The following THEMIS variants were observed in gnomAD, a reference collection of about 807,000 sequenced individuals.
THEMIS encodes protein THEMIS.
THEMIS carries 37 observed loss-of-function variants against 52.6 expected under a neutral mutation model. The ratio of observed to expected loss-of-function variants is 0.70; its 90% confidence interval spans 0.54 to 0.93. The LOEUF (loss-of-function observed/expected upper bound fraction) is 0.93, where lower values mean the gene tolerates loss of function less well. THEMIS is among the 40% of genes least tolerant of loss of function. THEMIS has a pLI of 0.00. For missense variants in THEMIS, 808 were observed against 763.1 expected (o/e 1.06, Z -0.69); for synonymous variants, 292 against 272.7 (o/e 1.07, Z -0.70).
chr6:127,801,824 G>A (rs763818840), intron 4 of THEMIS, among the ~76,000 whole-genome samples: 2 of 152,158 alleles, frequency 1.3e-5, no homozygotes, highest in Non-Finnish European at 2.9e-5. Flanking sequence ...CTGGTGGGGC[G>A]CTAGAGGTGA....
chr6:127,809,093 T>C (rs569800505), intron 4 of THEMIS, among the ~76,000 whole-genome samples: 1 of 152,370 alleles, frequency 6.6e-6, no homozygotes, highest in East Asian at 1.9e-4. Context: ...GACTCTTCTC[T>C]GTGCATGTAA....
chr6:127,812,622 A>G (rs1777947730), intron 4 of THEMIS, among the ~76,000 whole-genome samples: 1 of 152,206 alleles, frequency 6.6e-6, no homozygotes, highest in Admixed American at 6.5e-5. Context: ...AACCCACTGA[A>G]AAGGCAATTT....
chr6:127,810,212 C>T (rs1224149060), intron 4 of THEMIS, among the ~76,000 whole-genome samples: 2 of 151,516 alleles, frequency 1.3e-5, no homozygotes, highest in Non-Finnish European at 2.9e-5. Flanking sequence ...TTTTTTTTCC[C>T]TATGAGTGCT....
intron 4 of THEMIS, among the ~76,000 whole-genome samples, chr6:127,784,631 G>A (rs1583273875): frequency 6.6e-6 from 1 of 152,136 alleles, no homozygotes; most frequent in African/African-American, 2.4e-5. Flanking sequence ...TTGAGTCACT[G>A]CTGAAGCAGA....
chr6:127,744,445 G>A (rs539757978), intron 4 of THEMIS, among the ~76,000 whole-genome samples: 3 of 151,878 alleles, frequency 2.0e-5, no homozygotes, highest in Admixed American at 6.6e-5. Context: ...ATCGACAGAA[G>A]AATTAAGAAA....
In THEMIS at chr6:127,907,254, C is replaced by A. The variant is rs537971770; in HGVS notation, c.-149-6173G>T. ...CAAAAGGTGCCATTTATTGGTTCGT[C>A]ATTGAAAGGTTTACAGCATTTCTAC... On this transcript the variant is annotated intron_variant, in intron 1 of 6. Coordinates refer to the THEMIS transcript ENST00000368250. Among the ~76,000 whole-genome samples, 8 of 146,548 alleles carry A rather than the reference C, an allele frequency of 5.5e-5. No individual in the cohort carries two copies. In the South Asian group the frequency reaches 1.7e-3, roughly 32 times the overall value.
intron 4 of THEMIS, among the ~76,000 whole-genome samples, chr6:127,783,672 A>G (rs1329244310): frequency 6.6e-6 from 1 of 152,248 alleles, no homozygotes; most frequent in African/African-American, 2.4e-5. Flanking sequence ...AATGCAAATC[A>G]AAACCACAAT....
intron 3 of THEMIS, among the ~76,000 whole-genome samples, chr6:127,814,710 G>A (rs1778065732): frequency 6.6e-6 from 1 of 152,100 alleles, no homozygotes; most frequent in Non-Finnish European, 1.5e-5. Flanking sequence ...CGTCACTGGG[G>A]TTAATGGATA....
chr6:127,840,130 T>C (rs951945398), intron 2 of THEMIS, among the ~76,000 whole-genome samples: 2 of 152,138 alleles, frequency 1.3e-5, no homozygotes, highest in African/African-American at 4.8e-5. Context: ...GCAGAGCCTT[T>C]ATGAAATGTG....
intron 4 of THEMIS, among the ~76,000 whole-genome samples, chr6:127,787,122 C>G (rs946911596): frequency 1.3e-5 from 2 of 152,176 alleles, no homozygotes; most frequent in African/African-American, 4.8e-5. Context: ...GAATCAGCAG[C>G]AATTATTAAC....
chr6:127,841,744 G>T (rs1317769559), intron 2 of THEMIS, among the ~76,000 whole-genome samples: 1 of 151,782 alleles, frequency 6.6e-6, no homozygotes, highest in Non-Finnish European at 1.5e-5. Context: ...CCAAGAAATA[G>T]ATCTTAAAAT....
At chr6:127,845,972 C>T (rs1353629853) in intron 2 of THEMIS, among the ~76,000 whole-genome samples, 2 of 151,900 alleles carry the variant, frequency 1.3e-5, no homozygotes, top group Non-Finnish European at 2.9e-5. Flanking sequence ...GAGGCTCTAC[C>T]TGAGCCCAAA....
downstream of THEMIS, among the ~76,000 whole-genome samples, chr6:127,707,299 C>A (rs958862539): frequency 2.0e-5 from 3 of 151,980 alleles, no homozygotes; most frequent in Non-Finnish European, 4.4e-5. Flanking sequence ...TTGAGCAAAA[C>A]GAATAGGAAG....
intron 1 of THEMIS, among the ~76,000 whole-genome samples, chr6:127,875,305 C>T (rs928248581): frequency 6.6e-6 from 1 of 152,204 alleles, no homozygotes; most frequent in Non-Finnish European, 1.5e-5. Context: ...ATGTGTGCAA[C>T]TTTTGACACC....
intron 1 of THEMIS, among the ~76,000 whole-genome samples, chr6:127,876,494 T>C (rs1780318333): frequency 6.6e-6 from 1 of 152,236 alleles, no homozygotes; most frequent in African/African-American, 2.4e-5. Context: ...ATACAGACTG[T>C]CTTAGAATGG....
intron 4 of THEMIS, among the ~76,000 whole-genome samples, chr6:127,754,003 G>A (rs1394692509): frequency 3.9e-5 from 6 of 152,114 alleles, no homozygotes; most frequent in Admixed American, 3.9e-4. Context: ...TAATGGTGGT[G>A]ATGGTTTTAT....
At chr6:127,754,396 CT>C (rs1297178365) in intron 4 of THEMIS, among the ~76,000 whole-genome samples, 2 of 152,150 alleles carry the variant, frequency 1.3e-5, no homozygotes, top group African/African-American at 4.8e-5. Context: ...ACTCAGGCTG[CT>C]GTGGCCTGAT....
intron 3 of THEMIS, among the ~76,000 whole-genome samples, chr6:127,815,640 A>T (rs1044372175): frequency 6.6e-6 from 1 of 152,228 alleles, no homozygotes; most frequent in African/African-American, 2.4e-5. Context: ...AAGTTATGTT[A>T]TAAAGTTTAG....
rs201005568 is a variant in THEMIS, at chr6:127,769,342, G to GT, written c.1758+43540dup. On this transcript the variant is annotated intron_variant, in intron 4 of 5. Coordinates refer to ENST00000368248, the MANE Select transcript of THEMIS (RefSeq NM_001010923.3). ...ATTGTGAACAAATGAAAATAGACCA[G>GT]TTTTTTTTTGTTTTTTTTTTTTGTT... Among the ~76,000 whole-genome samples the GT allele has an allele frequency of 9.0e-4, 129 of 142,850 alleles. 1 individual carries two copies. The highest frequency in any genetic ancestry group is 2.2e-3 in the African/African-American group (86 of 38,736). The allele number at this position is 142,850 out of a possible 152,430, so 93.7% of individuals were successfully genotyped here.
Sources: allele counts gnomAD v4.1 joint callset (sites outside exome capture counted in the v4.1 genomes callset), GRCh38; gene constraint gnomAD v4.1.1; transcripts MANE v1.5; gene names NCBI Gene and HGNC (gene_info 2026-07-23, HGNC 2026-07-21).